The following CNTNAP5 variants were observed in gnomAD, a reference collection of about 807,000 sequenced individuals.
CNTNAP5 encodes the protein contactin associated protein family member 5, also known as contactin-associated protein-like 5.
Under a neutral mutation model 150.2 loss-of-function variants are expected in CNTNAP5, and 72 were observed. The observed-to-expected ratio is 0.48, with a 90% CI of 0.40 to 0.58. The LOEUF (loss-of-function observed/expected upper bound fraction) is 0.58. CNTNAP5 is among the 20% of genes least tolerant of loss of function. The probability of loss-of-function intolerance (pLI) is 0.00; values close to 1 mark genes in which losing one functional copy is unlikely to be tolerated. For missense variants in CNTNAP5, 1,636 were observed against 1,626.2 expected (o/e 1.01, Z -0.10); for synonymous variants, 672 against 619.8 (o/e 1.08, Z -1.25).
chr2:124,776,163 C>G (rs1307814843), intron 17 of CNTNAP5, among the ~76,000 whole-genome samples: 1 of 152,142 alleles, frequency 6.6e-6, no homozygotes, highest in African/African-American at 2.4e-5. Flanking sequence ...TCCCTCCAAA[C>G]TTAACGCAAG....
chr2:124,169,906 G>A (rs941195780), intron 1 of CNTNAP5, among the ~76,000 whole-genome samples: 13 of 152,290 alleles, frequency 8.5e-5, no homozygotes, highest in Admixed American at 7.2e-4. Flanking sequence ...TGCATAATGC[G>A]AGGGTAGCCT....
At chr2:124,433,776 G>T (rs191267584) in intron 4 of CNTNAP5, among the ~76,000 whole-genome samples, 2 of 152,034 alleles carry the variant, frequency 1.3e-5, no homozygotes, top group Admixed American at 6.5e-5. Context: ...GGCATAATTT[G>T]TCAGATATGT....
intron 2 of CNTNAP5, among the ~76,000 whole-genome samples, chr2:124,237,610 G>A (rs1163116826): frequency 6.6e-6 from 1 of 152,114 alleles, no homozygotes. Context: ...GAGATGGGGG[G>A]TGGATCACCT....
chr2:124,901,889 T>C (rs947263873), intron 21 of CNTNAP5, among the ~76,000 whole-genome samples: 1 of 152,174 alleles, frequency 6.6e-6, no homozygotes, highest in African/African-American at 2.4e-5. Context: ...TACCTCTTAA[T>C]GTTGCCAACA....
chr2:124,649,153 A>G (rs1325201310), intron 13 of CNTNAP5, among the ~76,000 whole-genome samples: 1 of 152,192 alleles, frequency 6.6e-6, no homozygotes, highest in Admixed American at 6.5e-5. Flanking sequence ...AGAATTCTGA[A>G]CATAAAATGT....
At chr2:124,750,315 C>T (rs555747802) in intron 14 of CNTNAP5, among the ~76,000 whole-genome samples, 1 of 152,270 alleles carries the variant, frequency 6.6e-6, no homozygotes, top group East Asian at 1.9e-4. Context: ...CATAGCAGCA[C>T]GTTGACCATC....
chr2:124,911,453 T>G lies in CNTNAP5; in HGVS notation c.3656-14T>G. On this transcript the variant is annotated splice_polypyrimidine_tract_variant and intron_variant, in intron 22 of 23. Coordinates refer to ENST00000682447, the MANE Select transcript of CNTNAP5 (RefSeq NM_001367498.1). ...GAGTGAGAAGTAAAGTCCCATGTCT[T>G]TTACTCCTTTCAGATCCTTTTGGGA... The G allele has an allele frequency of 6.3e-7, 1 of 1,579,590 alleles. No individual in the cohort carries two copies. The highest frequency in any genetic ancestry group is 1.2e-5 in the South Asian group (1 of 86,588).
At chr2:124,757,425 A>T (rs1261264104) in intron 14 of CNTNAP5, among the ~76,000 whole-genome samples, 1 of 152,168 alleles carries the variant, frequency 6.6e-6, no homozygotes, top group African/African-American at 2.4e-5. Context: ...CACAGTCCAG[A>T]GGCGGCACAG....
intron 11 of CNTNAP5, among the ~76,000 whole-genome samples, chr2:124,569,038 ACT>A (rs527320658): frequency 1.3e-5 from 2 of 152,188 alleles, no homozygotes; most frequent in African/African-American, 4.8e-5. Context: ...ACAGAGCGAG[ACT>A]CTGTCTCAAA....
intron 13 of CNTNAP5, among the ~76,000 whole-genome samples, chr2:124,696,411 A>G (rs998008044): frequency 7.9e-5 from 12 of 152,148 alleles, no homozygotes; most frequent in Non-Finnish European, 1.2e-4. Context: ...TTAAACATCC[A>G]TTCTCTTAGT....
chr2:124,896,288 C>CAT (rs1165531530), intron 21 of CNTNAP5, among the ~76,000 whole-genome samples: 1 of 151,474 alleles, frequency 6.6e-6, no homozygotes, highest in Non-Finnish European at 1.5e-5. Flanking sequence ...CACACACACA[C>CAT]ATACATGAAT....
chr2:124,699,233 G>A (rs1679468921), intron 13 of CNTNAP5, among the ~76,000 whole-genome samples: 1 of 152,062 alleles, frequency 6.6e-6, no homozygotes, highest in African/African-American at 2.4e-5. Flanking sequence ...TGCTTAGAAT[G>A]GGGAGGGAAA....
chr2:124,312,547 TTTTG>T (rs906355044), intron 3 of CNTNAP5, among the ~76,000 whole-genome samples: 18 of 151,500 alleles, frequency 1.2e-4, no homozygotes, highest in Admixed American at 3.9e-4. Context: ...GTGGGGGTTT[TTTTG>T]TTTGTTTATT....
intron 19 of CNTNAP5, among the ~76,000 whole-genome samples, chr2:124,830,625 T>C (rs1490053090): frequency 6.6e-6 from 1 of 151,940 alleles, no homozygotes; most frequent in Non-Finnish European, 1.5e-5. Flanking sequence ...AGTAACAATA[T>C]AGGAAATTTC....
intron 10 of CNTNAP5, among the ~76,000 whole-genome samples, chr2:124,542,221 C>A (rs1293973998): frequency 6.6e-6 from 1 of 150,644 alleles, no homozygotes; most frequent in Admixed American, 6.7e-5. Context: ...CCTGTTCCTC[C>A]CTATCTATTT....
chr2:124,685,095 A>G (rs941212671), intron 13 of CNTNAP5, among the ~76,000 whole-genome samples: 1 of 152,162 alleles, frequency 6.6e-6, no homozygotes, highest in South Asian at 2.1e-4. Context: ...TCTGAGGTAC[A>G]CAATCTTCAC....
intron 3 of CNTNAP5, among the ~76,000 whole-genome samples, chr2:124,407,904 T>C (rs62171043): frequency 0.02 from 3,010 of 152,230 alleles, 50 homozygotes; most frequent in Middle Eastern, 0.051. Flanking sequence ...TAGGAACAGC[T>C]CCGGTCTACA....
At chr2:124,100,049 T>C (rs1340934442) in intron 1 of CNTNAP5, among the ~76,000 whole-genome samples, 17 of 152,166 alleles carry the variant, frequency 1.1e-4, no homozygotes. Context: ...GACTGGGTAA[T>C]TTATAAGAAA....
intron 13 of CNTNAP5, among the ~76,000 whole-genome samples, chr2:124,670,133 T>TTTCTTTCCTTCCTTCC: frequency 8.9e-6 from 1 of 112,608 alleles, no homozygotes; most frequent in East Asian, 2.5e-4. Context: ...TCCTTCCTTC[T>TTTCTTTCCTTCCTTCC]TTCCTTCCTT....
Sources: gnomAD v4.1 joint callset for allele counts (sites outside exome capture counted in the v4.1 genomes callset) on GRCh38, gnomAD v4.1.1 for gene constraint, MANE v1.5 for transcripts, NCBI Gene and HGNC (gene_info 2026-07-23, HGNC 2026-07-21) for gene names.